Variants in ZFAT observed in about 807,000 individuals in gnomAD.
ZFAT encodes the protein zinc finger and AT-hook domain containing, also known as zinc finger protein ZFAT.
ZFAT carries 64 observed loss-of-function variants against 117.7 expected under a neutral mutation model. The ratio of observed to expected loss-of-function variants is 0.54; its 90% confidence interval spans 0.44 to 0.67. The LOEUF is 0.67. Ranked by LOEUF, ZFAT falls within the 30% of genes least tolerant of loss-of-function variation. The pLI, the probability that ZFAT is intolerant of heterozygous loss-of-function variation, is 0.00. For missense variants in ZFAT, 1,433 were observed against 1,584.5 expected, an observed-to-expected ratio of 0.90 and a Z score of 1.62; for synonymous variants, 679 against 615.0, an observed-to-expected ratio of 1.10 and a Z score of -1.54.
intron 5 of ZFAT, 116 bp from the exon 6 acceptor site, chr8:134,603,049 C>A: frequency 7.2e-7 from 1 of 1,397,812 alleles, no homozygotes; most frequent in South Asian, 1.4e-5. Context: ...ACTGGACAGA[C>A]GCTGGATGGG....
chr8:134,812,714 C>A, the ZFAT span, among the ~76,000 whole-genome samples: 1 of 152,178 alleles, frequency 6.6e-6, no homozygotes, highest in South Asian at 2.1e-4. Context: ...CCAGCCTGGG[C>A]AACAGAGCAA....
intron 2 of ZFAT, among the ~76,000 whole-genome samples, chr8:134,653,166 CATT>C (rs1184170076): frequency 2.3e-5 from 3 of 131,274 alleles, no homozygotes; most frequent in South Asian, 2.4e-4. Flanking sequence ...TTTTTTTTTT[CATT>C]ATTATTATTA....
At chr8:134,667,622 A>AG (rs1832300972) in intron 1 of ZFAT, among the ~76,000 whole-genome samples, 1 of 150,956 alleles carries the variant, frequency 6.6e-6, no homozygotes, top group South Asian at 2.1e-4. Flanking sequence ...AAAAAAAAAG[A>AG]GGGGGGCAGC....
At chr8:134,629,421 C>G (rs1288669288) in intron 3 of ZFAT, among the ~76,000 whole-genome samples, 1 of 151,886 alleles carries the variant, frequency 6.6e-6, no homozygotes, top group Non-Finnish European at 1.5e-5. Context: ...GAGAATAGGG[C>G]AGAACTGCAC....
At chr8:134,525,569 A>T (rs1380154609) in intron 12 of ZFAT, among the ~76,000 whole-genome samples, 2 of 152,206 alleles carry the variant, frequency 1.3e-5, no homozygotes, top group African/African-American at 4.8e-5. Context: ...TCAATCTCCA[A>T]ATCAATTCCG....
chr8:134,528,481 T>C (rs1020056428), intron 12 of ZFAT, among the ~76,000 whole-genome samples: 1 of 152,244 alleles, frequency 6.6e-6, no homozygotes, highest in African/African-American at 2.4e-5. Context: ...TTTCCTGCTA[T>C]GCTATTTTCC....
Position 134,523,177 on chromosome 8 carries a change from GAA to G in ZFAT, c.3116-2178_3116-2177del, listed in dbSNP as rs1289915726. Among the ~76,000 whole-genome samples the G allele has an allele frequency of 3.9e-5, 6 of 152,276 alleles. No individual in the cohort carries two copies. The South Asian group carries it at 1.0e-3, about 26-fold the overall frequency. ...GCATGGGTGCAAGTACCACTCCACT[GAA>G]CACTCTGTTCCTCCAGCCTCCACAC... On this transcript the variant is annotated intron_variant, in intron 12 of 15. Coordinates refer to ENST00000377838, the MANE Select transcript of ZFAT (RefSeq NM_020863.4).
At position 134,657,631 on chromosome 8, in the gene ZFAT, A is replaced by G. The variant is rs1276333245; in HGVS notation, c.126T>C (p.Val42=). The change falls in exon 2 of 16, where the codon GTT becomes GTC. Residue 42 remains valine, a synonymous_variant. Transcript: ENST00000377838. ...SEKHMEEGVN[V]DEIIIPLRPL... is the part of the protein sequence containing the mutation. ...GCCTAAGGGGAATAATAATCTCATC[A>G]ACATTAACCCCTTCTTCCATGTGCT... 1 of 1,614,036 alleles carries G rather than the reference A, an allele frequency of 6.2e-7. No individual in the cohort carries two copies. The highest frequency in any genetic ancestry group is 1.7e-5 in the Admixed American group (1 of 60,000).
chr8:134,736,266 G>A, the ZFAT span, among the ~76,000 whole-genome samples: 2 of 152,162 alleles, frequency 1.3e-5, no homozygotes, highest in Non-Finnish European at 2.9e-5. Flanking sequence ...AGGTGGCCTT[G>A]TTTATTCTTC....
At chr8:134,826,501 C>A in the ZFAT span, among the ~76,000 whole-genome samples, 61,531 of 151,974 alleles carry the variant, frequency 0.4, 13,554 homozygotes, top group African/African-American at 0.56. Flanking sequence ...TATACATTCA[C>A]TTTAATAGTA....
At chr8:134,506,882 G>T (rs1819456145) in intron 15 of ZFAT, among the ~76,000 whole-genome samples, 1 of 152,178 alleles carries the variant, frequency 6.6e-6, no homozygotes, top group African/African-American at 2.4e-5. Flanking sequence ...CTGAAACATT[G>T]TTCTGCGATA....
the ZFAT span, among the ~76,000 whole-genome samples, chr8:134,770,230 C>A: frequency 6.6e-6 from 1 of 152,198 alleles, no homozygotes; most frequent in Non-Finnish European, 1.5e-5. Flanking sequence ...ATTTTCCAAA[C>A]TTTTATATTC....
At position 134,615,317 on chromosome 8, in the gene ZFAT, G is replaced by A. The variant is rs117483214; in HGVS notation, c.449-4662C>T. The stretch of plus-strand genomic sequence containing the variant: ...TTCTCGTGCCTCAGCCTCCCAAGTA[G>A]CTAGGATTACAGGTGCGCACCATCC... On this transcript the variant is annotated intron_variant, in intron 3 of 15. Coordinates refer to ENST00000377838, the MANE Select transcript of ZFAT (RefSeq NM_020863.4). Among the ~76,000 whole-genome samples, 1,145 of 152,246 alleles carry A rather than the reference G, an allele frequency of 7.5e-3. 9 individuals carry two copies. The highest frequency in any genetic ancestry group is 0.011 in the Non-Finnish European group (768 of 68,020).
chr8:134,547,129 G>A (rs992922565), intron 11 of ZFAT, among the ~76,000 whole-genome samples: 18 of 152,158 alleles, frequency 1.2e-4, no homozygotes, highest in Admixed American at 5.2e-4. Flanking sequence ...GAAGTTAAGC[G>A]GCTTGCTGAA....
At chr8:134,812,361 T>C in the ZFAT span, among the ~76,000 whole-genome samples, 1 of 152,324 alleles carries the variant, frequency 6.6e-6, no homozygotes, top group Non-Finnish European at 1.5e-5. Context: ...CTTTTACAAA[T>C]CCTATTTATC....
intron 7 of ZFAT, among the ~76,000 whole-genome samples, chr8:134,593,585 C>CT (rs948282659): frequency 2.0e-5 from 3 of 152,188 alleles, no homozygotes; most frequent in Admixed American, 2.0e-4. Context: ...AATCAGGACC[C>CT]TTTGAAAGAA....
At chr8:134,655,187 G>A (rs1017735221) in intron 2 of ZFAT, among the ~76,000 whole-genome samples, 11 of 152,280 alleles carry the variant, frequency 7.2e-5, no homozygotes, top group African/African-American at 9.6e-5. Context: ...GTGAATCTCC[G>A]GGAAGGGGCA....
chr8:134,740,414 G>A, the ZFAT span, among the ~76,000 whole-genome samples: 679 of 152,270 alleles, frequency 4.5e-3, 2 homozygotes, highest in Middle Eastern at 0.014. Flanking sequence ...CCTAAACAAT[G>A]AATTACTGGT....
the ZFAT span, among the ~76,000 whole-genome samples, chr8:134,832,173 G>T: frequency 6.6e-6 from 1 of 150,838 alleles, no homozygotes; most frequent in African/African-American, 2.4e-5. Flanking sequence ...GAGAGCTGGG[G>T]ATCGGCGGCG....
Sources: gnomAD v4.1 joint callset for allele counts (sites outside exome capture counted in the v4.1 genomes callset) on GRCh38, gnomAD v4.1.1 for gene constraint, MANE v1.5 for transcripts, NCBI Gene and HGNC (gene_info 2026-07-23, HGNC 2026-07-21) for gene names.